DGKB: variants seen among roughly 807,000 people sequenced by gnomAD.
DGKB encodes the protein diacylglycerol kinase beta.
A neutral mutation model predicts 114.3 loss-of-function variants in DGKB; 67 were observed. The observed-to-expected ratio is 0.59, with a 90% confidence interval of 0.48 to 0.72. The LOEUF (loss-of-function observed/expected upper bound fraction) is 0.72. DGKB is among the 30% of genes least tolerant of loss of function. DGKB has a pLI of 0.00. For synonymous variants in DGKB, 398 were observed against 323.1 expected, an observed-to-expected ratio of 1.23 and a Z score of -2.49; for missense variants, 907 against 975.2, an observed-to-expected ratio of 0.93 and a Z score of 0.93.
intron 23 of DGKB, among the ~76,000 whole-genome samples, chr7:14,231,319 G>T (rs897409006): frequency 1.3e-5 from 2 of 151,650 alleles, no homozygotes; most frequent in African/African-American, 4.8e-5. Flanking sequence ...AAAATCTTTT[G>T]TAGAGACAAG....
intron 21 of DGKB, among the ~76,000 whole-genome samples, chr7:14,409,018 A>G (rs553017417): frequency 1.9e-4 from 29 of 152,284 alleles, no homozygotes; most frequent in African/African-American, 7.0e-4. Flanking sequence ...TACACACACG[A>G]ACACTTGCAA....
At chr7:14,826,485 T>A (rs1215530305) in intron 2 of DGKB, among the ~76,000 whole-genome samples, 3 of 152,188 alleles carry the variant, frequency 2.0e-5, no homozygotes, top group Non-Finnish European at 4.4e-5. Flanking sequence ...TTCATTTTCT[T>A]TCTTTCTATT....
chr7:14,330,166 C>T (rs1809475959), intron 23 of DGKB, among the ~76,000 whole-genome samples: 1 of 151,994 alleles, frequency 6.6e-6, no homozygotes, highest in African/African-American at 2.4e-5. Flanking sequence ...TATTCTTCCT[C>T]AGAAGTCATA....
At chr7:14,923,021 C>T (rs764316511) in intron 1 of DGKB, among the ~76,000 whole-genome samples, 18 of 152,280 alleles carry the variant, frequency 1.2e-4, no homozygotes, top group Middle Eastern at 3.4e-3. Context: ...CCCTCCTTTT[C>T]CACCACAGCT....
chr7:14,804,271 G>A (rs983558781), intron 2 of DGKB, among the ~76,000 whole-genome samples: 2 of 151,694 alleles, frequency 1.3e-5, no homozygotes, highest in Non-Finnish European at 2.9e-5. Flanking sequence ...CTTATTGCAT[G>A]GGATATCTTC....
chr7:14,913,829 C>G (rs1784107698), intron 1 of DGKB, among the ~76,000 whole-genome samples: 1 of 152,058 alleles, frequency 6.6e-6, no homozygotes, highest in Non-Finnish European at 1.5e-5. Flanking sequence ...CAAAGCTAAG[C>G]AAGCTAATCA....
chr7:14,892,853 C>CAT (rs72367027), intron 1 of DGKB, among the ~76,000 whole-genome samples: 2 of 96,948 alleles, frequency 2.1e-5, no homozygotes, highest in African/African-American at 9.1e-5. Flanking sequence ...CAACTAATAC[C>CAT]ATATATATAT....
At chr7:14,576,053 T>G (rs912654167) in intron 19 of DGKB, among the ~76,000 whole-genome samples, 59 of 152,264 alleles carry the variant, frequency 3.9e-4, no homozygotes, top group African/African-American at 1.3e-3. Flanking sequence ...CGCTACTTAA[T>G]ACATACAGTA....
chr7:14,704,400 A>T (rs1479068912), intron 6 of DGKB, among the ~76,000 whole-genome samples: 1 of 148,702 alleles, frequency 6.7e-6, no homozygotes, highest in Non-Finnish European at 1.5e-5. Flanking sequence ...GTGAGCCGAG[A>T]TCACGCCACT....
At chr7:14,762,200 T>C (rs982363038) in intron 2 of DGKB, among the ~76,000 whole-genome samples, 1 of 152,140 alleles carries the variant, frequency 6.6e-6, no homozygotes, top group Non-Finnish European at 1.5e-5. Context: ...AGGTGTTTTA[T>C]TAAGCAAACA....
At chr7:14,718,284 G>A (rs1040683455) in intron 6 of DGKB, among the ~76,000 whole-genome samples, 2 of 152,032 alleles carry the variant, frequency 1.3e-5, no homozygotes, top group Non-Finnish European at 2.9e-5. Context: ...GAGAACTGAG[G>A]AACAGCTTTT....
intron 20 of DGKB, among the ~76,000 whole-genome samples, chr7:14,487,715 C>T (rs568029849): frequency 8.6e-5 from 13 of 151,182 alleles, no homozygotes; most frequent in African/African-American, 3.2e-4. Context: ...GATCCTCTTG[C>T]CTTGACCCCT....
At chr7:14,417,858 C>T (rs1825951728) in intron 21 of DGKB, among the ~76,000 whole-genome samples, 1 of 151,304 alleles carries the variant, frequency 6.6e-6, no homozygotes, top group Non-Finnish European at 1.5e-5. Context: ...TTATACCTTG[C>T]AGTAAAAAAG....
At chr7:14,164,045 C>T (rs1436668522) in intron 25 of DGKB, among the ~76,000 whole-genome samples, 1 of 151,748 alleles carries the variant, frequency 6.6e-6, no homozygotes, top group Non-Finnish European at 1.5e-5. Context: ...ACCTCACCAC[C>T]ACAACAACAA....
At chr7:14,963,162 G>C (rs1379790536) in intron 1 of DGKB, among the ~76,000 whole-genome samples, 1 of 152,098 alleles carries the variant, frequency 6.6e-6, no homozygotes, top group Non-Finnish European at 1.5e-5. Flanking sequence ...TACATGAGCA[G>C]AAACGTTTTG....
In DGKB at chr7:14,147,504, T is replaced by C. The variant is rs899537220; in HGVS notation, c.*1627A>G. The C allele has an allele frequency of 1.3e-5, 2 of 152,128 alleles. No homozygotes were observed. The highest frequency in any genetic ancestry group is 2.9e-5 in the Non-Finnish European group (2 of 67,986). 9.4% of individuals were successfully genotyped at this position (152,128 alleles called of 1,614,324 possible). A position where few individuals can be genotyped will look rare whatever the true frequency, so the allele number is the denominator to read the frequency against. ...TTTTCAAACCAAAGAACTAAAATTA[T>C]AGCAATTTCACTTGAAATCCATAAA... On this transcript the variant is annotated 3_prime_UTR_variant, in exon 26 of 26. Coordinates refer to ENST00000402815, the MANE Select transcript of DGKB (RefSeq NM_001350709.2).
At chr7:14,804,070 G>GGTGT (rs34964846) in intron 2 of DGKB, among the ~76,000 whole-genome samples, 23,365 of 146,460 alleles carry the variant, frequency 0.16, 2,162 homozygotes, top group East Asian at 0.3. Context: ...TCACTTTTTG[G>GGTGT]GTGTGTGTGT....
rs189971431 is a variant in DGKB, at chr7:14,514,478, C to G, written c.1771-36253G>C. 2.7e-3 allele frequency among the ~76,000 whole-genome samples: 410 copies of G among 152,220 alleles called. 2 individuals are homozygous for G. The highest frequency in any genetic ancestry group is 8.9e-3 in the African/African-American group (371 of 41,546). ...TAGATATTTTCAGCTTTTACTTTTA[C>G]TTGCACCCAATAGAATTTTATTGTA... On this transcript the variant is annotated intron_variant, in intron 20 of 25. Transcript: ENST00000402815.
At chr7:14,889,931 A>G (rs1189181951) in intron 1 of DGKB, among the ~76,000 whole-genome samples, 1 of 151,610 alleles carries the variant, frequency 6.6e-6, no homozygotes, top group Non-Finnish European at 1.5e-5. Flanking sequence ...GGATAAATAT[A>G]ATACAGAAAT....
Sources: gnomAD v4.1 joint callset for allele counts (sites outside exome capture counted in the v4.1 genomes callset) on GRCh38, gnomAD v4.1.1 for gene constraint, MANE v1.5 for transcripts, NCBI Gene and HGNC (gene_info 2026-07-23, HGNC 2026-07-21) for gene names.